NLGN1: variants seen among roughly 807,000 people sequenced by gnomAD.
The protein encoded by NLGN1 is neuroligin 1.
Under a neutral mutation model 65.5 loss-of-function variants are expected in NLGN1, and 12 were observed. That is an observed-to-expected ratio of 0.18 (90% CI 0.12 to 0.30). The LOEUF (loss-of-function observed/expected upper bound fraction) is 0.30, where lower values mean the gene tolerates loss of function less well. Among genes scored for constraint, NLGN1 ranks in the 10% least tolerant of loss-of-function variants. NLGN1 has a pLI of 1.00. For missense variants in NLGN1, 750 were observed against 1,007.1 expected (o/e 0.74, Z 3.46); for synonymous variants, 350 against 359.5 (o/e 0.97, Z 0.30).
At chr3:173,621,522 A>G (rs1294714879) in intron 3 of NLGN1, among the ~76,000 whole-genome samples, 2 of 152,092 alleles carry the variant, frequency 1.3e-5, no homozygotes, top group African/African-American at 4.8e-5. Flanking sequence ...TTTTTGGGCA[A>G]GGAGCTGTGA....
At chr3:173,481,475 A>G (rs1576900109) in intron 2 of NLGN1, among the ~76,000 whole-genome samples, 1 of 151,936 alleles carries the variant, frequency 6.6e-6, no homozygotes, top group African/African-American at 2.4e-5. Flanking sequence ...ATAAACTTGT[A>G]TATTTTGTTT....
At chr3:173,640,180 A>G (rs940643439) in intron 3 of NLGN1, among the ~76,000 whole-genome samples, 9 of 152,216 alleles carry the variant, frequency 5.9e-5, no homozygotes, top group Non-Finnish European at 1.2e-4. Context: ...ACTATTTCTC[A>G]GTAAAATTAT....
At chr3:173,843,576 A>G (rs1398914842) in intron 4 of NLGN1, among the ~76,000 whole-genome samples, 1 of 152,220 alleles carries the variant, frequency 6.6e-6, no homozygotes, top group African/African-American at 2.4e-5. Flanking sequence ...AAAGTTTCAC[A>G]AATCTGTAGG....
chr3:174,248,966 C>T (rs1313239098), intron 4 of NLGN1, among the ~76,000 whole-genome samples: 1 of 152,160 alleles, frequency 6.6e-6, no homozygotes, highest in South Asian at 2.1e-4. Context: ...GTGGCTTCCC[C>T]ACATCCAGGA....
intron 4 of NLGN1, among the ~76,000 whole-genome samples, chr3:173,916,866 T>G (rs1207439938): frequency 6.6e-6 from 1 of 152,160 alleles, no homozygotes; most frequent in African/African-American, 2.4e-5. Context: ...AAGAACAAAT[T>G]GAAATTTTCT....
chr3:173,416,592 A>G (rs926715037), intron 1 of NLGN1, among the ~76,000 whole-genome samples: 5 of 152,176 alleles, frequency 3.3e-5, no homozygotes, highest in Non-Finnish European at 7.3e-5. Context: ...GACCCCTACT[A>G]CATGTAATCC....
intron 3 of NLGN1, among the ~76,000 whole-genome samples, chr3:173,797,693 C>CAAAAA (rs1312419518): frequency 5.3e-5 from 3 of 56,460 alleles, no homozygotes; most frequent in African/African-American, 1.6e-4. Flanking sequence ...ACAACAACAA[C>CAAAAA]AACAACAAAA....
chr3:173,632,849 GTTTTTTT>G (rs5854526), intron 3 of NLGN1, among the ~76,000 whole-genome samples: 2 of 116,402 alleles, frequency 1.7e-5, no homozygotes, highest in Non-Finnish European at 3.6e-5. Flanking sequence ...TTTTTTTTTT[GTTTTTTT>G]TTTTTTTTTT....
chr3:174,073,289 T>G, intron 4 of NLGN1, among the ~76,000 whole-genome samples: 1 of 152,278 alleles, frequency 6.6e-6, no homozygotes, highest in East Asian at 1.9e-4. Context: ...TGTGTACAAC[T>G]TCTACAAGTT....
At chr3:173,438,879 G>A (rs141547940) in intron 2 of NLGN1, among the ~76,000 whole-genome samples, 23 of 152,094 alleles carry the variant, frequency 1.5e-4, no homozygotes, top group African/African-American at 2.7e-4. Context: ...CATAGTTATC[G>A]TGTGGACATT....
At chr3:174,005,920 A>G (rs1239929831) in intron 4 of NLGN1, among the ~76,000 whole-genome samples, 3 of 152,118 alleles carry the variant, frequency 2.0e-5, no homozygotes, top group Admixed American at 6.5e-5. Context: ...AATAGTTAAC[A>G]AAGTTATCTT....
intron 4 of NLGN1, among the ~76,000 whole-genome samples, chr3:174,041,961 G>A (rs1732412091): frequency 6.6e-6 from 1 of 152,078 alleles, no homozygotes; most frequent in South Asian, 2.1e-4. Flanking sequence ...GGCTGAAGCA[G>A]GAGAATCACT....
intron 2 of NLGN1, among the ~76,000 whole-genome samples, chr3:173,480,637 T>G (rs1727124586): frequency 6.6e-6 from 1 of 152,112 alleles, no homozygotes; most frequent in Non-Finnish European, 1.5e-5. Flanking sequence ...TGGTAGTAAA[T>G]GTAGTAAATT....
intron 2 of NLGN1, among the ~76,000 whole-genome samples, chr3:173,460,071 A>G (rs888930249): frequency 1.3e-5 from 2 of 152,098 alleles, no homozygotes; most frequent in African/African-American, 4.8e-5. Context: ...TAACATATTA[A>G]TTAACACATA....
intron 4 of NLGN1, among the ~76,000 whole-genome samples, chr3:174,039,987 A>G (rs1731935420): frequency 6.6e-6 from 1 of 152,116 alleles, no homozygotes; most frequent in Non-Finnish European, 1.5e-5. Flanking sequence ...TGATGCTCCA[A>G]CCACCTCCTT....
At chr3:174,046,664 T>C (rs900241598) in intron 4 of NLGN1, among the ~76,000 whole-genome samples, 1 of 152,122 alleles carries the variant, frequency 6.6e-6, no homozygotes, top group African/African-American at 2.4e-5. Context: ...CTTGGAAGTA[T>C]AGAAGAATAG....
intron 3 of NLGN1, among the ~76,000 whole-genome samples, chr3:173,749,398 G>T (rs1776000946): frequency 6.6e-6 from 1 of 152,022 alleles, no homozygotes; most frequent in African/African-American, 2.4e-5. Context: ...AAAATGAGAA[G>T]ATTGTTCTAG....
chr3:173,733,797 T>C (rs1371097673), intron 3 of NLGN1, among the ~76,000 whole-genome samples: 1 of 152,128 alleles, frequency 6.6e-6, no homozygotes, highest in Non-Finnish European at 1.5e-5. Flanking sequence ...TTGACATTTG[T>C]CACGGGGGAG....
intron 4 of NLGN1, among the ~76,000 whole-genome samples, chr3:173,832,249 C>T (rs1226363660): frequency 6.6e-6 from 1 of 152,140 alleles, no homozygotes; most frequent in Non-Finnish European, 1.5e-5. Context: ...CAGGCATGAT[C>T]CACTGCACCT....
Sources: gnomAD v4.1 joint callset for allele counts (sites outside exome capture counted in the v4.1 genomes callset) on GRCh38, gnomAD v4.1.1 for gene constraint, MANE v1.5 for transcripts, NCBI Gene and HGNC (gene_info 2026-07-23, HGNC 2026-07-21) for gene names.